FAR2: variants seen among roughly 807,000 people sequenced by gnomAD.
FAR2 encodes epididymis secretory protein Li 81.
Under a neutral mutation model 56.0 loss-of-function variants are expected in FAR2, and 19 were observed. The observed-to-expected ratio is 0.34, with a 90% CI of 0.24 to 0.50. The LOEUF is 0.50. FAR2 is among the 20% of genes least tolerant of loss of function. The pLI is 0.98. For missense variants in FAR2, 508 were observed against 642.2 expected (o/e 0.79, Z 2.26); for synonymous variants, 219 against 218.8 (o/e 1.00, Z -0.01).
At chr12:29,315,879 A>G (rs1466004975) in intron 8 of FAR2, among the ~76,000 whole-genome samples, 1 of 152,210 alleles carries the variant, frequency 6.6e-6, no homozygotes, top group African/African-American at 2.4e-5. Context: ...TTACACATCC[A>G]GATGGAAATG....
Position 29,293,481 on chromosome 12 carries a change from T to C in FAR2, c.365+6T>C, listed in dbSNP as rs1949007372. The C allele has an allele frequency of 6.5e-7, 1 of 1,526,890 alleles. No individual in the cohort carries two copies. The highest frequency in any genetic ancestry group is 8.8e-7 in the Non-Finnish European group (1 of 1,136,296). The allele number at this position is 1,526,890 out of a possible 1,614,324, so 94.6% of individuals were successfully genotyped here. A position where few individuals can be genotyped will look rare whatever the true frequency, so the allele number is the denominator to read the frequency against. ...CGCTTTGACGACACTCTCAGGTACA[T>C]TCCCATTTCCCTCTCATGGCTTGTA... On this transcript the variant is annotated splice_donor_region_variant and intron_variant, in intron 3 of 11. Transcript: ENST00000536681.
intron 10 of FAR2, among the ~76,000 whole-genome samples, chr12:29,325,307 T>C (rs926444062): frequency 1.3e-5 from 2 of 152,178 alleles, no homozygotes; most frequent in Non-Finnish European, 1.5e-5. Context: ...AATGGGGGAC[T>C]TTAACACCCC....
At chr12:29,155,185 T>C (rs1225192317) in intron 1 of FAR2, among the ~76,000 whole-genome samples, 1 of 152,254 alleles carries the variant, frequency 6.6e-6, no homozygotes, top group Non-Finnish European at 1.5e-5. Flanking sequence ...GTTTCATACA[T>C]GTGACCTGAG....
intron 1 of FAR2, among the ~76,000 whole-genome samples, chr12:29,187,343 TA>T (rs1950054062): frequency 6.6e-6 from 1 of 152,128 alleles, no homozygotes; most frequent in Non-Finnish European, 1.5e-5. Context: ...TGGAGTATTA[TA>T]TAATTATTTT....
chr12:29,261,312 T>C (rs1395352823), intron 1 of FAR2, among the ~76,000 whole-genome samples: 2 of 152,190 alleles, frequency 1.3e-5, no homozygotes, highest in Non-Finnish European at 2.9e-5. Flanking sequence ...TCAGAGTCTC[T>C]TAACATGAGA....
At chr12:29,328,693 G>A (rs1002100555) in intron 10 of FAR2, among the ~76,000 whole-genome samples, 2 of 145,836 alleles carry the variant, frequency 1.4e-5, no homozygotes, top group African/African-American at 5.1e-5. Flanking sequence ...ATTGAACAAT[G>A]AGAACACATG....
chr12:29,211,863 C>A (rs1032097442), intron 1 of FAR2, among the ~76,000 whole-genome samples: 6 of 148,704 alleles, frequency 4.0e-5, no homozygotes, highest in Admixed American at 2.7e-4. Flanking sequence ...AGAGTGGACT[C>A]CTAATCTAGT....
intron 2 of FAR2, among the ~76,000 whole-genome samples, chr12:29,291,811 A>C (rs1395497392): frequency 6.6e-6 from 1 of 152,216 alleles, no homozygotes; most frequent in African/African-American, 2.4e-5. Context: ...GTATGGTGAG[A>C]TTCCTGACAG....
At chr12:29,324,976 A>T (rs550089467) in intron 10 of FAR2, among the ~76,000 whole-genome samples, 1 of 146,876 alleles carries the variant, frequency 6.8e-6, no homozygotes, top group East Asian at 2.0e-4. Context: ...AGAGTCAAGA[A>T]CCATCAGTGT....
chr12:29,181,818 CA>C (rs1361313850), intron 1 of FAR2, among the ~76,000 whole-genome samples: 1 of 152,146 alleles, frequency 6.6e-6, no homozygotes, highest in Non-Finnish European at 1.5e-5. Context: ...TAAGAATATT[CA>C]AGAATATCCC....
chr12:29,166,009 GCT>G (rs1308570015), intron 1 of FAR2, among the ~76,000 whole-genome samples: 1 of 152,222 alleles, frequency 6.6e-6, no homozygotes, highest in Non-Finnish European at 1.5e-5. Context: ...TTCAGTCTTG[GCT>G]CTGTCACTAA....
rs1367775720 is a variant in FAR2, at chr12:29,332,728, G to T, written c.1385+1G>T. 1 of 1,611,966 alleles carries T rather than the reference G, an allele frequency of 6.2e-7. No homozygotes were observed. Among genetic ancestry groups the T allele is most frequent in the South Asian group, 1.1e-5 (1 of 90,938 alleles). Reference sequence around the variant, plus strand: ...CAAAAGCAAAGCAACGCTTAAAAAGGTAAGTATAATCAGTCAGTTAATATT... The same window carrying T: ...CAAAAGCAAAGCAACGCTTAAAAAGTTAAGTATAATCAGTCAGTTAATATT... On this transcript the variant is annotated splice_donor_variant, in intron 11 of 11. Transcript: ENST00000536681. LOFTEE classifies it high-confidence loss of function.
intron 2 of FAR2, among the ~76,000 whole-genome samples, chr12:29,272,415 T>G (rs1948634855): frequency 6.6e-6 from 1 of 152,248 alleles, no homozygotes; most frequent in South Asian, 2.1e-4. Context: ...TTCCACTCAG[T>G]TGATTCAGCT....
At chr12:29,191,513 G>A (rs1398052160) in intron 1 of FAR2, among the ~76,000 whole-genome samples, 1 of 152,178 alleles carries the variant, frequency 6.6e-6, no homozygotes, top group Non-Finnish European at 1.5e-5. Flanking sequence ...TAAATATGAT[G>A]CTTTTGAAAC....
chr12:29,251,087 G>A (rs1024677522), intron 1 of FAR2, among the ~76,000 whole-genome samples: 3 of 152,204 alleles, frequency 2.0e-5, no homozygotes, highest in Non-Finnish European at 2.9e-5. Context: ...TGATTAGGAT[G>A]TTCCTAGAAG....
intron 1 of FAR2, among the ~76,000 whole-genome samples, chr12:29,165,111 G>A (rs186763367): frequency 2.0e-5 from 3 of 152,194 alleles, no homozygotes; most frequent in Admixed American, 2.0e-4. Context: ...TTGTTTTCAG[G>A]TATTTGTATC....
At chr12:29,218,914 C>G (rs1179889689) in intron 1 of FAR2, among the ~76,000 whole-genome samples, 1 of 148,728 alleles carries the variant, frequency 6.7e-6, no homozygotes, top group Non-Finnish European at 1.5e-5. Flanking sequence ...TATTTAGAGA[C>G]AGGGTCTTGC....
At chr12:29,270,370 C>A in intron 1 of FAR2, 42 bp from the exon 2 acceptor site, 2 of 1,389,532 alleles carry the variant, frequency 1.4e-6, no homozygotes, top group Non-Finnish European at 1.9e-6. Context: ...AATATGAGAA[C>A]TTCTGAAGAT....
rs371118455 is a variant in FAR2 at position 29,316,958 on chromosome 12, G to A, written c.1073G>A (p.Arg358Gln). The A allele has an allele frequency of 2.7e-5, 44 of 1,613,990 alleles. No individual in the cohort carries two copies. The highest frequency in any genetic ancestry group is 4.5e-5 in the East Asian group (2 of 44,870). The change falls in exon 9 of 12, where the codon CGG becomes CAG. Residue 358 changes from arginine to glutamine, a missense_variant. Arg to Gln is a conservative substitution (Grantham distance 43). Transcript: ENST00000536681. Reference sequence around the variant, plus strand: ...CAGTACTGGAATGCGGTCAGCCACCGGGCCCCTGCCATTATCTATGACTGC... The same window carrying A: ...CAGTACTGGAATGCGGTCAGCCACCAGGCCCCTGCCATTATCTATGACTGC... ...TSQYWNAVSH[R>Q]APAIIYDCYL...
Sources: allele counts gnomAD v4.1 joint callset (sites outside exome capture counted in the v4.1 genomes callset), GRCh38; gene constraint gnomAD v4.1.1; transcripts MANE v1.5; gene names NCBI Gene and HGNC (gene_info 2026-07-23, HGNC 2026-07-21).